The following PARD3B variants were observed in gnomAD, a reference collection of about 807,000 sequenced individuals.
The protein encoded by PARD3B is partitioning defective 3 homolog B.
A neutral mutation model predicts 130.2 loss-of-function variants in PARD3B; 103 were observed. The ratio of observed to expected loss-of-function variants is 0.79; its 90% CI spans 0.67 to 0.93. The LOEUF is 0.93. PARD3B is among the 40% of genes least tolerant of loss of function. The pLI, the probability that PARD3B is intolerant of heterozygous loss-of-function variation, is 0.00. For missense variants in PARD3B, 1,609 were observed against 1,499.2 expected (o/e 1.07, Z -1.21); for synonymous variants, 583 against 553.2 (o/e 1.05, Z -0.76).
intron 5 of PARD3B, among the ~76,000 whole-genome samples, chr2:205,106,149 AT>A (rs1417194490): frequency 2.0e-5 from 3 of 151,550 alleles, no homozygotes; most frequent in African/African-American, 4.8e-5. Flanking sequence ...TTATTTATTT[AT>A]TTTATTTTTA....
Position 205,618,306 on chromosome 2 carries a change from C to A in PARD3B, c.*2493C>A, listed in dbSNP as rs1272545792. 1.3e-5 allele frequency: 2 copies of A among 152,208 alleles called. No homozygotes were observed. The highest frequency in any genetic ancestry group is 2.9e-5 in the Non-Finnish European group (2 of 68,052). The allele number at this position is 152,208 out of a possible 1,614,324, so 9.4% of individuals were successfully genotyped here. A position where few individuals can be genotyped will look rare whatever the true frequency, so the allele number is the denominator to read the frequency against. ...ACAGAGGCTCCATCAAGCCAAGCAACAATTAACAGCTCAAGTGTAAGATTT... is the reference window on the plus strand; with the variant it reads ...ACAGAGGCTCCATCAAGCCAAGCAAAAATTAACAGCTCAAGTGTAAGATTT... On this transcript the variant is annotated 3_prime_UTR_variant, in exon 23 of 23. Coordinates refer to ENST00000406610, the MANE Select transcript of PARD3B (RefSeq NM_001302769.2).
chr2:204,642,330 G>T (rs529200639), intron 1 of PARD3B, among the ~76,000 whole-genome samples: 16 of 152,280 alleles, frequency 1.1e-4, no homozygotes, highest in Admixed American at 9.8e-4. Flanking sequence ...CACTGTGCTT[G>T]GGTAGGCTTT....
At chr2:204,694,466 A>G (rs1489800708) in intron 2 of PARD3B, among the ~76,000 whole-genome samples, 1 of 152,036 alleles carries the variant, frequency 6.6e-6, no homozygotes, top group Non-Finnish European at 1.5e-5. Flanking sequence ...TTTAGCCCAT[A>G]GACTTCTTAC....
chr2:205,013,527 G>C (rs566772500), intron 3 of PARD3B, among the ~76,000 whole-genome samples: 1 of 152,124 alleles, frequency 6.6e-6, no homozygotes, highest in South Asian at 2.1e-4. Context: ...CACCTTTGTT[G>C]TGGAGGGGCT....
At chr2:205,044,152 T>A (rs1390290496) in intron 3 of PARD3B, among the ~76,000 whole-genome samples, 1 of 152,114 alleles carries the variant, frequency 6.6e-6, no homozygotes, top group African/African-American at 2.4e-5. Context: ...TTTTTATGGC[T>A]GCATAGTATT....
At chr2:204,785,393 G>A (rs552212231) in intron 2 of PARD3B, among the ~76,000 whole-genome samples, 31 of 152,096 alleles carry the variant, frequency 2.0e-4, no homozygotes, top group Middle Eastern at 3.4e-3. Context: ...TGAATTATGT[G>A]CCAGCCCCTG....
At chr2:205,601,492 CTTTAG>C (rs1224082493) in intron 22 of PARD3B, among the ~76,000 whole-genome samples, 1 of 152,140 alleles carries the variant, frequency 6.6e-6, no homozygotes, top group Non-Finnish European at 1.5e-5. Flanking sequence ...TGGAGAAGCT[CTTTAG>C]TTTAATTAGA....
In PARD3B at chr2:205,341,525, T is replaced by C. The variant is rs1185375686; in HGVS notation, c.2630+39824T>C. On this transcript the variant is annotated intron_variant, in intron 18 of 22. Transcript: ENST00000406610. This position sits in a 1 kb window ranked among gnomAD's most constrained non-coding sequence, Gnocchi z 4.3. ...AATACTGCATGTTCTTATGTATATG[T>C]AGAAGCTAAAAAAAATGTTTAAGCT... Among the ~76,000 whole-genome samples the C allele has an allele frequency of 2.6e-5, 4 of 151,952 alleles. No individual in the cohort carries two copies. Among genetic ancestry groups the C allele is most frequent in the East Asian group, 3.9e-4 (2 of 5,182 alleles).
chr2:204,730,457 T>C (rs907527506), intron 2 of PARD3B, among the ~76,000 whole-genome samples: 5 of 151,896 alleles, frequency 3.3e-5, no homozygotes. Context: ...GCAAAATTAG[T>C]ATGTAGTTTT....
At chr2:205,554,304 CTGTT>C (rs1559211330) in intron 22 of PARD3B, among the ~76,000 whole-genome samples, 2 of 152,142 alleles carry the variant, frequency 1.3e-5, no homozygotes, top group Non-Finnish European at 2.9e-5. Flanking sequence ...GATGGAGTGA[CTGTT>C]TGACATTGTA....
chr2:205,142,235 C>A lies in PARD3B; in HGVS notation c.1435-16487C>A, dbSNP rs2033019146. ...GTGGCAAAGCAGGGTAAAGAGAGAG[C>A]ATAAGTTTTAGGTGGAGAGAATCCC... is the stretch of plus-strand genomic sequence containing the variant. On this transcript the variant is annotated intron_variant, in intron 10 of 22. Coordinates refer to ENST00000406610, the MANE Select transcript of PARD3B (RefSeq NM_001302769.2). This position sits in a 1 kb window ranked among gnomAD's most constrained non-coding sequence, Gnocchi z 4.3. Among the ~76,000 whole-genome samples the A allele has an allele frequency of 6.6e-6, 1 of 152,026 alleles. No individual in the cohort carries two copies.
intron 1 of PARD3B, among the ~76,000 whole-genome samples, chr2:204,582,091 G>A (rs1013687628): frequency 6.6e-6 from 1 of 152,310 alleles, no homozygotes; most frequent in Non-Finnish European, 1.5e-5. Flanking sequence ...AGCAGTGACA[G>A]CCTGCAGCCT....
At chr2:205,312,100 G>C (rs1316649878) in intron 18 of PARD3B, among the ~76,000 whole-genome samples, 3 of 152,164 alleles carry the variant, frequency 2.0e-5, no homozygotes, top group Non-Finnish European at 4.4e-5. Context: ...TCTTTACCTT[G>C]ATCCCATAAC....
chr2:205,243,663 C>G (rs1016248041), intron 15 of PARD3B, among the ~76,000 whole-genome samples: 1 of 152,158 alleles, frequency 6.6e-6, no homozygotes, highest in Non-Finnish European at 1.5e-5. Context: ...GTTGCGTTGT[C>G]TTATATTCCA....
At chr2:204,546,818 C>G (rs2029981198) in intron 1 of PARD3B, among the ~76,000 whole-genome samples, 1 of 152,176 alleles carries the variant, frequency 6.6e-6, no homozygotes, top group East Asian at 1.9e-4. Flanking sequence ...AGCTCTGTAG[C>G]TGAAGTCAGG....
chr2:204,650,227 T>G (rs2035430967), intron 1 of PARD3B, among the ~76,000 whole-genome samples: 1 of 152,080 alleles, frequency 6.6e-6, no homozygotes, highest in South Asian at 2.1e-4. Context: ...TCCAAATGGC[T>G]ATTATTAAAA....
chr2:205,031,745 C>G (rs899166203), intron 3 of PARD3B, among the ~76,000 whole-genome samples: 2 of 152,062 alleles, frequency 1.3e-5, no homozygotes, highest in African/African-American at 4.8e-5. Context: ...GTGACATAGG[C>G]TAGATCAAAA....
chr2:205,449,615 A>G (rs557040934), intron 20 of PARD3B, among the ~76,000 whole-genome samples: 1 of 152,174 alleles, frequency 6.6e-6, no homozygotes, highest in African/African-American at 2.4e-5. Flanking sequence ...CTGTGAGCTG[A>G]TGTAATACCA....
chr2:205,194,017 C>CA (rs1269940917), intron 15 of PARD3B, among the ~76,000 whole-genome samples: 2 of 152,198 alleles, frequency 1.3e-5, no homozygotes, highest in Non-Finnish European at 2.9e-5. Flanking sequence ...TGGGACATCT[C>CA]AGATACCCTA....
Sources: gnomAD v4.1 joint callset for allele counts (sites outside exome capture counted in the v4.1 genomes callset) on GRCh38, gnomAD v4.1.1 for gene constraint, Gnocchi (gnomAD v3.1) non-coding constraint, MANE v1.5 for transcripts, NCBI Gene and HGNC (gene_info 2026-07-23, HGNC 2026-07-21) for gene names.